SPP1: variants seen among roughly 807,000 people sequenced by gnomAD.
SPP1 encodes the protein secreted phosphoprotein 1.
In SPP1, 18 loss-of-function variants were observed where a neutral mutation model predicts 20.8. That is an observed-to-expected ratio of 0.87 (90% CI 0.60 to 1.29). The LOEUF is 1.29. Ranked by LOEUF, SPP1 falls within the 50% of genes most tolerant of loss-of-function variation. The probability of loss-of-function intolerance (pLI) is 0.00; values close to 1 mark genes in which losing one functional copy is unlikely to be tolerated. For missense variants in SPP1, 363 were observed against 389.0 expected, an observed-to-expected ratio of 0.93 and a Z score of 0.56; for synonymous variants, 146 against 141.5, an observed-to-expected ratio of 1.03 and a Z score of -0.23.
Position 87,982,783 on chromosome 4 carries a change from T to C in SPP1, c.832T>C (p.Phe278Leu). The C allele has an allele frequency of 6.2e-7, 1 of 1,614,152 alleles. No individual in the cohort carries two copies. The highest frequency in any genetic ancestry group is 8.5e-7 in the Non-Finnish European group (1 of 1,180,016). Residue 278 changes from phenylalanine to leucine, a missense_variant, in exon 7 of 7, where the codon TTT (phenylalanine) becomes CTT (leucine). Coordinates refer to ENST00000395080, the MANE Select transcript of SPP1 (RefSeq NM_001040058.2). ...KVSREFHSHEFHSHEDMLVVD... is the reference protein window; with the variant it reads ...KVSREFHSHELHSHEDMLVVD... ...CAGCCGTGAATTCCACAGCCATGAA[T>C]TTCACAGCCATGAAGATATGCTGGT...
chr4:87,980,968 T>A (rs1017463738), intron 5 of SPP1, among the ~76,000 whole-genome samples: 5 of 152,202 alleles, frequency 3.3e-5, no homozygotes, highest in Non-Finnish European at 5.9e-5. Flanking sequence ...AATGGGCAGT[T>A]TTGAGCTGCA....
Position 87,978,362 on chromosome 4 carries a change from A to ATCT in SPP1, c.93+1266_93+1268dup, listed in dbSNP as rs528786648. The stretch of plus-strand genomic sequence containing the variant: ...AAGTGAAGAGAAAAACTCTGAACTC[A>ATCT]TCTGGTCTCACTGTTTTTCCGCCTT... On this transcript the variant is annotated intron_variant, in intron 3 of 6. Transcript: ENST00000395080. 1.4e-4 allele frequency among the ~76,000 whole-genome samples: 21 copies of ATCT among 149,714 alleles called. No individual in the cohort carries two copies. In the East Asian group the frequency reaches 4.2e-3, roughly 30 times the overall value.
At chr4:87,977,868 G>T (rs1175465649) in intron 3 of SPP1, 2 of 1,219,342 alleles carry the variant, frequency 1.6e-6, no homozygotes, top group Non-Finnish European at 2.1e-6. Context: ...GTGTTCGTTT[G>T]TGTGTGGAGG....
At chr4:87,980,560 C>A in intron 5 of SPP1, 126 bp downstream of exon 5, 2 of 957,178 alleles carry the variant, frequency 2.1e-6, no homozygotes, top group Non-Finnish European at 3.1e-6. Context: ...CTAAAACTTG[C>A]TCATAAATAA....
intron 3 of SPP1, among the ~76,000 whole-genome samples, chr4:87,978,482 G>A (rs750079967): frequency 1.1e-4 from 14 of 131,284 alleles, no homozygotes; most frequent in South Asian, 2.6e-4. Flanking sequence ...TGCAAGCTCC[G>A]CCTCCCAGGT....
At chr4:87,979,927 G>A in intron 3 of SPP1, 119 bp from the exon 4 acceptor site, 7 of 876,624 alleles carry the variant, frequency 8.0e-6, no homozygotes, top group Non-Finnish European at 8.5e-6. Context: ...ATTACAAAAA[G>A]GTACCTAAGG....
intron 3 of SPP1, 151 bp downstream of exon 3, chr4:87,977,248 C>T: frequency 1.3e-6 from 1 of 761,672 alleles, no homozygotes; most frequent in Non-Finnish European, 2.1e-6. Flanking sequence ...GAATCTAGGC[C>T]AGTACCAAGC....
At position 87,982,752 on chromosome 4, in the gene SPP1, C is replaced by T; in HGVS notation, c.801C>T (p.Ser267=). The part of the protein sequence containing the change: ...HSDVIDSQEL[S]KVSREFHSHE... ...ATGTGATTGATAGTCAGGAACTTTC[C>T]AAAGTCAGCCGTGAATTCCACAGCC... Residue 267 remains serine (S), a synonymous_variant, in exon 7 of 7, where the codon TCC becomes TCT. Coordinates refer to ENST00000395080, the MANE Select transcript of SPP1 (RefSeq NM_001040058.2). 6.2e-7 allele frequency: 1 copy of T among 1,614,088 alleles called. No homozygotes were observed. Among genetic ancestry groups the T allele is most frequent in the South Asian group, 1.1e-5 (1 of 91,078 alleles).
At chr4:87,977,020 A>G in intron 2 of SPP1, 39 bp from the exon 3 acceptor site, 1 of 1,613,372 alleles carries the variant, frequency 6.2e-7, no homozygotes, top group Non-Finnish European at 8.5e-7. Flanking sequence ...TGCTAGGAGG[A>G]CATTCTTGTA....
chr4:87,978,409 TTTTTGAGACGGAGTC>T (rs1725488898), intron 3 of SPP1, among the ~76,000 whole-genome samples: 1 of 145,180 alleles, frequency 6.9e-6, no homozygotes, highest in African/African-American at 2.5e-5. Context: ...TTTTTTTTTT[TTTTTGAGACGGAGTC>T]TCGCTCCGTC....
chr4:87,978,532 G>C (rs958314098), intron 3 of SPP1, among the ~76,000 whole-genome samples: 24 of 151,064 alleles, frequency 1.6e-4, no homozygotes, highest in African/African-American at 5.6e-4. Flanking sequence ...ACAGGCGCCC[G>C]CCACCACGCC....
At chr4:87,977,030 A>C (rs1202915545) in intron 2 of SPP1, 29 bp from the exon 3 acceptor site, 1 of 1,613,954 alleles carries the variant, frequency 6.2e-7, no homozygotes, top group Middle Eastern at 1.7e-4. Flanking sequence ...ACATTCTTGT[A>C]ATCTTTCTTC....
At position 87,981,639 on chromosome 4, in the gene SPP1, T is replaced by G. The variant is rs1241497925; in HGVS notation, c.381T>G (p.Asp127Glu). The G allele has an allele frequency of 6.2e-7, 1 of 1,614,228 alleles. No homozygotes were observed. Residue 127 changes from aspartate to glutamate, a missense_variant, in exon 6 of 7, where the codon GAT becomes GAG. Coordinates refer to ENST00000395080, the MANE Select transcript of SPP1 (RefSeq NM_001040058.2). ...SHQSDESHHSDESDELVTDFP... is the reference protein window; with the variant it reads ...SHQSDESHHSEESDELVTDFP... ...AGTCTGATGAGTCTCACCATTCTGA[T>G]GAATCTGATGAACTGGTCACTGATT...
intron 1 of SPP1, among the ~76,000 whole-genome samples, chr4:87,976,057 A>C (rs749557789): frequency 4.6e-5 from 7 of 152,228 alleles, no homozygotes; most frequent in Non-Finnish European, 8.8e-5. Context: ...TGCTAATCAG[A>C]AAATAGTAAA....
In SPP1 at chr4:87,981,438, C is replaced by T. The variant is rs762376520; in HGVS notation, c.217-37C>T. On this transcript the variant is annotated intron_variant, in intron 5 of 6. Transcript: ENST00000395080. ...TATAAAGGCTAAGGGAAAATAAAAA[C>T]CCATATATTAATTTTCCCGGCCATC... 1.5e-5 allele frequency: 24 copies of T among 1,570,122 alleles called. No individual in the cohort carries two copies. In the East Asian group the frequency reaches 5.2e-4, roughly 34 times the overall value.
chr4:87,979,334 TTTTTTA>T (rs202022094), intron 3 of SPP1, among the ~76,000 whole-genome samples: 2,397 of 151,804 alleles, frequency 0.016, 29 homozygotes, highest in South Asian at 0.039. Flanking sequence ...CCGGCTATTT[TTTTTTA>T]TTTTTATTTT....
intron 3 of SPP1, chr4:87,977,902 T>C (rs1255863417): frequency 1.9e-6 from 2 of 1,067,818 alleles, no homozygotes; most frequent in African/African-American, 1.7e-5. Flanking sequence ...GTTTTTCAAC[T>C]GATTTGAAAA....
At chr4:87,978,388 CTTTTTTTTTTTTTTTT>C (rs1159455110) in intron 3 of SPP1, among the ~76,000 whole-genome samples, 1 of 89,680 alleles carries the variant, frequency 1.1e-5, no homozygotes, top group East Asian at 4.1e-4. Flanking sequence ...TTTCCGCCTT[CTTTTTTTTTTTTTTTT>C]TTTTTTTTTG....
intron 5 of SPP1, chr4:87,980,779 A>G (rs952579676): frequency 8.9e-5 from 20 of 225,846 alleles, no homozygotes; most frequent in African/African-American, 4.5e-4. Flanking sequence ...TTTCCTAATA[A>G]AATAGTTTAT....
Sources: gnomAD v4.1 joint callset for allele counts (sites outside exome capture counted in the v4.1 genomes callset) on GRCh38, gnomAD v4.1.1 for gene constraint, MANE v1.5 for transcripts, NCBI Gene and HGNC (gene_info 2026-07-23, HGNC 2026-07-21) for gene names.